Variants in ZNF223 observed in about 807,000 individuals in gnomAD.
ZNF223 encodes zinc finger protein 223, also known as Homo sapiens zinc finger protein 223.
A neutral mutation model predicts 12.3 loss-of-function variants in ZNF223; 9 were observed. The observed-to-expected ratio is 0.73, with a 90% CI of 0.44 to 1.28. The LOEUF (loss-of-function observed/expected upper bound fraction) is 1.28. Ranked by LOEUF, ZNF223 falls within the 50% of genes most tolerant of loss-of-function variation. The probability of loss-of-function intolerance (pLI) is 0.00; values close to 1 mark genes in which losing one functional copy is unlikely to be tolerated. For synonymous variants in ZNF223, 171 were observed against 195.2 expected (o/e 0.88, Z 1.03); for missense variants, 506 against 579.0 (o/e 0.87, Z 1.29).
At position 44,066,771 on chromosome 19, in the gene ZNF223, C is replaced by T. The variant is rs1976921573; in HGVS notation, c.943C>T (p.Pro315Ser). The T allele has an allele frequency of 6.2e-7, 1 of 1,614,048 alleles. No homozygotes were observed. The highest frequency in any genetic ancestry group is 1.3e-5 in the African/African-American group (1 of 74,910). The change falls in exon 5 of 5, where the codon CCA becomes TCA. Residue 315 changes from proline (P) to serine (S), a missense_variant. Pro to Ser is a moderately conservative substitution (Grantham distance 74, BLOSUM62 -1). Transcript: ENST00000434772. ...TTGTGTGGTCCACACAGGAAAGAAA[C>T]CAAACAGCACTGGGGAATATGGAAA... ...RHCVVHTGKKPNSTGEYGKGF... is the reference protein window; with the variant it reads ...RHCVVHTGKKSNSTGEYGKGF...
upstream of ZNF223, chr19:44,051,676 T>A (rs1976702404): frequency 6.6e-6 from 1 of 152,172 alleles, no homozygotes; most frequent in Non-Finnish European, 1.5e-5. Flanking sequence ...TTGCGGGAAG[T>A]GTAATCGAGG....
intron 1 of ZNF223, 96 bp from the exon 2 acceptor site, chr19:44,055,013 G>C (rs1041823031): frequency 2.9e-5 from 17 of 580,116 alleles, no homozygotes; most frequent in Non-Finnish European, 5.2e-5. Context: ...TGCTGTGAGC[G>C]TTCATGTGCT....
chr19:44,054,056 C>T (rs912044153), intron 1 of ZNF223, among the ~76,000 whole-genome samples: 2 of 152,088 alleles, frequency 1.3e-5, no homozygotes, highest in Non-Finnish European at 2.9e-5. Context: ...CCTTTTTCTA[C>T]GTAGACACAG....
intron 2 of ZNF223, among the ~76,000 whole-genome samples, chr19:44,058,869 G>C (rs1442735945): frequency 1.3e-5 from 2 of 152,198 alleles, no homozygotes; most frequent in Admixed American, 1.3e-4. Context: ...TCCCCAGTCA[G>C]CCTGGGGCAC....
Position 44,066,650 on chromosome 19 carries a change from G to C in ZNF223, c.822G>C (p.Gln274His). The C allele has an allele frequency of 6.2e-7, 1 of 1,614,184 alleles. No individual in the cohort carries two copies. The highest frequency in any genetic ancestry group is 8.5e-7 in the Non-Finnish European group (1 of 1,180,034). ...GGAGGGCCTTCATTCATGATTTCCA[G>C]CTTCAGAAACATCAGAGAATTCACA... is the stretch of plus-strand genomic sequence containing the variant. ...ACGRAFIHDF[Q>H]LQKHQRIHTG... Residue 274 changes from glutamine to histidine, a missense_variant, in exon 5 of 5, where the codon CAG (glutamine) becomes CAC (histidine). Transcript: ENST00000434772.
intron 4 of ZNF223, among the ~76,000 whole-genome samples, chr19:44,064,480 A>G (rs1435625254): frequency 6.6e-6 from 1 of 152,148 alleles, no homozygotes; most frequent in African/African-American, 2.4e-5. Context: ...AGTATTTTAT[A>G]TGTGTCATGC....
intron 4 of ZNF223, among the ~76,000 whole-genome samples, chr19:44,065,632 C>T (rs1599871736): frequency 6.9e-6 from 1 of 144,376 alleles, no homozygotes; most frequent in East Asian, 2.0e-4. Flanking sequence ...GGCTGGAGTG[C>T]AGTGGCACGA....
intron 4 of ZNF223, 119 bp from the exon 5 acceptor site, chr19:44,065,945 A>C: frequency 6.8e-7 from 1 of 1,463,698 alleles, no homozygotes; most frequent in Non-Finnish European, 9.0e-7. Context: ...ACCAGGGTGC[A>C]CTTGGAAAAC....
At chr19:44,060,983 T>C in intron 4 of ZNF223, 142 bp downstream of exon 4, 1 of 742,404 alleles carries the variant, frequency 1.3e-6, no homozygotes, top group Non-Finnish European at 2.2e-6. Context: ...GTGGCCCTGC[T>C]CCGTGCCTTC....
rs1357194670 is a variant in ZNF223 at position 44,067,855 on chromosome 19, G to C, written c.*578G>C. On this transcript the variant is annotated 3_prime_UTR_variant, in exon 5 of 5. Transcript: ENST00000434772. ...CCACATGTGTCTTTGTATTTTTGCT[G>C]CATCCTTACATTGCTTGAGTCTGGA... 5.3e-6 allele frequency: 1 copy of C among 187,146 alleles called. No homozygotes were observed. The highest frequency in any genetic ancestry group is 2.4e-5 in the African/African-American group (1 of 42,188). 11.6% of individuals were successfully genotyped at this position (187,146 alleles called of 1,614,324 possible).
intron 2 of ZNF223, 141 bp from the exon 3 acceptor site, chr19:44,060,299 GGACACAGACTAGAAT>G: frequency 7.9e-7 from 1 of 1,259,134 alleles, no homozygotes. Context: ...GTCATTGTCA[GGACACAGACTAGAAT>G]GAATGGGAAT....
At position 44,066,181 on chromosome 19, in the gene ZNF223, C is replaced by T. The variant is rs368486751; in HGVS notation, c.353C>T (p.Thr118Ile). 85 of 1,614,054 alleles carry T rather than the reference C, an allele frequency of 5.3e-5. No homozygotes were observed. The highest frequency in any genetic ancestry group is 5.1e-5 in the Non-Finnish European group (60 of 1,180,032). Residue 118 changes from threonine to isoleucine, a missense_variant, in exon 5 of 5, where the codon ACC becomes ATC. Coordinates refer to ENST00000434772, the MANE Select transcript of ZNF223 (RefSeq NM_013361.6). Reference protein sequence around the residue: ...ASDLTRPQDSTIKSSQFFEQG... With the variant: ...ASDLTRPQDSIIKSSQFFEQG... ...GATTTAACCAGGCCTCAAGACTCTA[C>T]CATAAAGAGCTCTCAGTTCTTTGAA...
intron 2 of ZNF223, among the ~76,000 whole-genome samples, chr19:44,059,716 T>TC (rs1976812367): frequency 6.6e-6 from 1 of 152,166 alleles, no homozygotes; most frequent in African/African-American, 2.4e-5. Context: ...ATTCCCCTGG[T>TC]TGTTTGGCTC....
chr19:44,066,910 T>C lies in ZNF223; in HGVS notation c.1082T>C (p.Ile361Thr). 1 of 1,614,032 alleles carries C rather than the reference T, an allele frequency of 6.2e-7. No homozygotes were observed. The highest frequency in any genetic ancestry group is 8.5e-7 in the Non-Finnish European group (1 of 1,179,996). ...TTCAGACGGTCCTCCTATCTTTTGA[T>C]CCATCAGCGAGTCCACACTGGAGAA... ...KSFRRSSYLL[I>T]HQRVHTGEKP... The change falls in exon 5 of 5, where the codon ATC (isoleucine) becomes ACC (threonine). Residue 361 changes from isoleucine (I) to threonine (T), a missense_variant. By Grantham distance (89) the Ile-to-Thr change is moderately conservative (BLOSUM62 -1). Coordinates refer to ENST00000434772, the MANE Select transcript of ZNF223 (RefSeq NM_013361.6).
intron 1 of ZNF223, among the ~76,000 whole-genome samples, chr19:44,053,216 G>A (rs190479991): frequency 1.9e-4 from 29 of 152,250 alleles, no homozygotes; most frequent in African/African-American, 4.8e-4. Context: ...GAAGAAAAGT[G>A]GGCCCAGGGG....
chr19:44,058,821 A>G (rs1976801445), intron 2 of ZNF223, among the ~76,000 whole-genome samples: 2 of 152,220 alleles, frequency 1.3e-5, no homozygotes, highest in Admixed American at 1.3e-4. Flanking sequence ...TTGTAGGTGT[A>G]GGACATAAAT....
At chr19:44,060,616 G>T in intron 3 of ZNF223, 35 bp downstream of exon 3, 1 of 1,613,648 alleles carries the variant, frequency 6.2e-7, no homozygotes, top group Non-Finnish European at 8.5e-7. Context: ...GGAATGTCAG[G>T]CCCCAGGAGT....
intron 2 of ZNF223, among the ~76,000 whole-genome samples, chr19:44,055,639 C>T (rs921023546): frequency 6.6e-6 from 1 of 151,946 alleles, no homozygotes; most frequent in Non-Finnish European, 1.5e-5. Context: ...CATGGTGGTA[C>T]ATGCCTGTAA....
chr19:44,058,713 G>A (rs537991457), intron 2 of ZNF223, among the ~76,000 whole-genome samples: 1 of 152,326 alleles, frequency 6.6e-6, no homozygotes, highest in African/African-American at 2.4e-5. Context: ...GGGAGTGAAG[G>A]GATGTTGCTG....
Sources: allele counts gnomAD v4.1 joint callset (sites outside exome capture counted in the v4.1 genomes callset), GRCh38; gene constraint gnomAD v4.1.1; transcripts MANE v1.5; gene names NCBI Gene and HGNC (gene_info 2026-07-23, HGNC 2026-07-21).